FAAH2: variants seen among roughly 807,000 people sequenced by gnomAD.
FAAH2 encodes fatty-acid amide hydrolase 2.
A neutral mutation model predicts 36.9 loss-of-function variants in FAAH2; 60 were observed. The ratio of observed to expected loss-of-function variants is 1.63; its 90% confidence interval spans 1.32 to 2.02. FAAH2 has a LOEUF of 2.02. Among genes scored for constraint, FAAH2 ranks in the 30% most tolerant of loss-of-function variants. The pLI, the probability that FAAH2 is intolerant of heterozygous loss-of-function variation, is 0.00. For synonymous variants in FAAH2, 214 were observed against 143.8 expected (o/e 1.49, Z -3.49); for missense variants, 689 against 397.5 (o/e 1.73, Z -6.23).
At chrX:57,216,598 G>GTATATATATACGTATATATACGTA in the FAAH2 span, among the ~76,000 whole-genome samples, 984 of 4,643 alleles carry the variant, frequency 0.21, 214 homozygotes, top group South Asian at 0.38. Context: ...GTATATATAT[G>GTATATATATACGTATATATACGTA]TATATATATA....
At chrX:57,212,438 G>A in the FAAH2 span, among the ~76,000 whole-genome samples, 5 of 111,804 alleles carry the variant, frequency 4.5e-5, no homozygotes, top group East Asian at 1.4e-3. Flanking sequence ...ACAGGATACA[G>A]GTGAAATCTG....
At chrX:57,295,252 G>T (rs932951742) in intron 2 of FAAH2, among the ~76,000 whole-genome samples, 3 of 112,175 alleles carry the variant, frequency 2.7e-5, no homozygotes, top group African/African-American at 9.7e-5. Context: ...AGTGTGGGAA[G>T]AAATAGGAAA....
At chrX:57,483,378 A>T (rs1002719190) in intron 10 of FAAH2, among the ~76,000 whole-genome samples, 31 of 110,940 alleles carry the variant, frequency 2.8e-4, no homozygotes, top group South Asian at 7.5e-4. Context: ...TTGATTTTTT[A>T]AAAAAATATA....
chrX:57,349,012 T>C (rs1194489486), intron 5 of FAAH2, among the ~76,000 whole-genome samples: 6 of 102,550 alleles, frequency 5.9e-5, no homozygotes, highest in Admixed American at 1.1e-4. Flanking sequence ...GAAGTCTGAA[T>C]ACCAATACAA....
intron 10 of FAAH2, among the ~76,000 whole-genome samples, chrX:57,477,088 A>AT (rs1395312379): frequency 2.8e-5 from 3 of 106,009 alleles, no homozygotes; most frequent in Non-Finnish European, 3.9e-5. Context: ...TTTGTTCTCT[A>AT]TTTTTTTCAT....
At chrX:57,169,207 T>A in the FAAH2 span, among the ~76,000 whole-genome samples, 1 of 108,317 alleles carries the variant, frequency 9.2e-6, no homozygotes, top group Non-Finnish European at 1.9e-5. Context: ...CTAATTTAAA[T>A]TTAATTACAT....
intron 5 of FAAH2, among the ~76,000 whole-genome samples, chrX:57,376,021 GT>G (rs1259791130): frequency 9.0e-6 from 1 of 111,068 alleles, no homozygotes; most frequent in Non-Finnish European, 1.9e-5. Context: ...TGCCATCTTT[GT>G]TTTAAATCAG....
intron 7 of FAAH2, among the ~76,000 whole-genome samples, chrX:57,397,619 G>C (rs986361939): frequency 4.5e-5 from 5 of 110,536 alleles, no homozygotes; most frequent in Non-Finnish European, 9.5e-5. Flanking sequence ...GGCTTGGTAG[G>C]TTTCCGCTGA....
At position 57,447,018 on chromosome X, in the gene FAAH2, G is replaced by A. The variant is rs1400080253; in HGVS notation, c.1207G>A (p.Val403Met). ...ELIKWCLGLS[V>M]YTIPSIGLAL... is the part of the protein sequence containing the mutation. The stretch of plus-strand genomic sequence containing the variant: ...GATCAAATGGTGCCTGGGTCTGTCA[G>A]TGTACACCATCCCTTCCATTGGTAT... The change falls in exon 9 of 11, where the codon GTG becomes ATG. Residue 403 changes from valine (V) to methionine (M), a missense_variant. Coordinates refer to ENST00000374900, the MANE Select transcript of FAAH2 (RefSeq NM_174912.4). The A allele has an allele frequency of 8.3e-7, 1 of 1,199,287 alleles. No homozygotes were observed. Among genetic ancestry groups the A allele is most frequent in the Non-Finnish European group, 1.1e-6 (1 of 886,109 alleles).
chrX:57,418,303 G>C (rs972254539), intron 7 of FAAH2, among the ~76,000 whole-genome samples: 3 of 111,900 alleles, frequency 2.7e-5, no homozygotes, highest in Non-Finnish European at 5.6e-5. Context: ...AGCTAGCTCA[G>C]TGTCTGCCCA....
the FAAH2 span, among the ~76,000 whole-genome samples, chrX:57,233,560 C>A: frequency 3.6e-5 from 4 of 111,662 alleles, no homozygotes; most frequent in South Asian, 1.1e-3. Flanking sequence ...GGGGGGAGGA[C>A]TTTTCCTTCC....
intron 5 of FAAH2, among the ~76,000 whole-genome samples, chrX:57,372,569 A>G (rs958105934): frequency 4.5e-5 from 5 of 110,927 alleles, no homozygotes; most frequent in Non-Finnish European, 9.5e-5. Context: ...AGGTCATTTG[A>G]AAAATTCTTT....
chrX:57,260,679 G>T, the FAAH2 span, among the ~76,000 whole-genome samples: 1 of 111,658 alleles, frequency 9.0e-6, no homozygotes, highest in Non-Finnish European at 1.9e-5. Flanking sequence ...TTAGAAGTCA[G>T]TAATAATAAG....
At chrX:57,394,050 G>C (rs759094959) in intron 7 of FAAH2, 1 of 730,944 alleles carries the variant, frequency 1.4e-6, no homozygotes, top group Non-Finnish European at 2.2e-6. Flanking sequence ...GTCAGTTCAT[G>C]AAATATCTGA....
chrX:57,471,921 C>A (rs898276843), intron 10 of FAAH2, among the ~76,000 whole-genome samples: 54 of 110,682 alleles, frequency 4.9e-4, no homozygotes, highest in East Asian at 2.9e-4. Context: ...CAGAACAGAG[C>A]ACTCAGAAAT....
intron 7 of FAAH2, among the ~76,000 whole-genome samples, chrX:57,406,372 T>A (rs759156350): frequency 3.0e-4 from 34 of 112,239 alleles, no homozygotes; most frequent in African/African-American, 1.0e-3. Flanking sequence ...GGTTTTTATT[T>A]GGTGGGAAGT....
chrX:57,342,110 A>G (rs772590112), intron 5 of FAAH2, among the ~76,000 whole-genome samples: 2 of 111,997 alleles, frequency 1.8e-5, no homozygotes, highest in African/African-American at 6.5e-5. Flanking sequence ...TGCTAAGAAT[A>G]AATCCTCATT....
intron 7 of FAAH2, among the ~76,000 whole-genome samples, chrX:57,413,536 T>C (rs549000947): frequency 3.6e-5 from 4 of 111,559 alleles, no homozygotes; most frequent in African/African-American, 9.8e-5. Flanking sequence ...TGTAGATGTG[T>C]GGCGTTATTT....
chrX:57,305,960 C>G (rs771895734), intron 2 of FAAH2, among the ~76,000 whole-genome samples: 1 of 111,978 alleles, frequency 8.9e-6, no homozygotes, highest in South Asian at 3.7e-4. Context: ...GGCTACAGGC[C>G]GTTTTGCCTT....
Sources: allele counts gnomAD v4.1 joint callset (sites outside exome capture counted in the v4.1 genomes callset), GRCh38; gene constraint gnomAD v4.1.1; transcripts MANE v1.5; gene names NCBI Gene and HGNC (gene_info 2026-07-23, HGNC 2026-07-21).